The following ADAMTSL2 variants were observed in gnomAD, a reference collection of about 807,000 sequenced individuals.
The protein encoded by ADAMTSL2 is ADAMTS-like protein 2.
Under a neutral mutation model 117.0 loss-of-function variants are expected in ADAMTSL2, and 55 were observed. The ratio of observed to expected loss-of-function variants is 0.47; its 90% CI spans 0.38 to 0.59. The LOEUF (loss-of-function observed/expected upper bound fraction) is 0.59. ADAMTSL2 is among the 20% of genes least tolerant of loss of function. The probability of loss-of-function intolerance (pLI) is 0.00; values close to 1 mark genes in which losing one functional copy is unlikely to be tolerated. For synonymous variants in ADAMTSL2, 572 were observed against 566.4 expected (o/e 1.01, Z -0.14); for missense variants, 1,182 against 1,354.5 (o/e 0.87, Z 2.00).
intron 13 of ADAMTSL2, among the ~76,000 whole-genome samples, chr9:133,567,911 C>T (rs375950310): frequency 4.7e-4 from 71 of 152,360 alleles, no homozygotes; most frequent in African/African-American, 1.6e-3. Context: ...CTGGCCATGC[C>T]CCCTTTCTGG....
chr9:133,548,405 G>T (rs909538062), intron 9 of ADAMTSL2, among the ~76,000 whole-genome samples: 2 of 152,210 alleles, frequency 1.3e-5, no homozygotes, highest in African/African-American at 4.8e-5. Context: ...CTGGAGCTGT[G>T]TCTGGAGGTG....
chr9:133,563,845 G>C (rs1588302018), intron 12 of ADAMTSL2, among the ~76,000 whole-genome samples: 1 of 27,040 alleles, frequency 3.7e-5, no homozygotes, highest in Non-Finnish European at 8.7e-5. Context: ...GAGAGAGAGG[G>C]AGAGAGAGAG....
intron 4 of ADAMTSL2, among the ~76,000 whole-genome samples, chr9:133,539,544 G>A (rs1028513124): frequency 2.3e-5 from 3 of 129,124 alleles, no homozygotes; most frequent in African/African-American, 8.5e-5. Flanking sequence ...GTAGGCGGAG[G>A]GCTGGCGTGG....
At chr9:133,565,996 G>A (rs901837295) in intron 12 of ADAMTSL2, among the ~76,000 whole-genome samples, 3 of 152,212 alleles carry the variant, frequency 2.0e-5, no homozygotes, top group African/African-American at 7.2e-5. Flanking sequence ...TCGGTACCAG[G>A]CAAGGGTGCA....
rs978951448 is a variant in ADAMTSL2 at position 133,568,846 on chromosome 9, T to A, written c.2244+88T>A. On this transcript the variant is annotated intron_variant, in intron 15 of 18. Coordinates refer to ENST00000651351, the MANE Select transcript of ADAMTSL2 (RefSeq NM_014694.4). Reference sequence around the variant, plus strand: ...TGATGTGCCTCAGTTTCCATTTTTTTCCGAGGCAAGGGTGTGAGGTCAAGA... The same window carrying A: ...TGATGTGCCTCAGTTTCCATTTTTTACCGAGGCAAGGGTGTGAGGTCAAGA... 1.2e-4 allele frequency: 191 copies of A among 1,571,278 alleles called. 3 individuals are homozygous for A. The highest frequency in any genetic ancestry group is 2.1e-4 in the Admixed American group (12 of 57,890).
At chr9:133,538,456 C>T (rs746230498) in intron 4 of ADAMTSL2, 32 bp downstream of exon 4, 1 of 1,610,126 alleles carries the variant, frequency 6.2e-7, no homozygotes, top group Non-Finnish European at 8.5e-7. Flanking sequence ...GGCACCATGG[C>T]CTGCTCTCCC....
At chr9:133,563,839 G>A (rs1588301975) in intron 12 of ADAMTSL2, among the ~76,000 whole-genome samples, 39 of 51,556 alleles carry the variant, frequency 7.6e-4, no homozygotes, top group South Asian at 1.8e-3. Flanking sequence ...GAGAGAGAGA[G>A]AGAGGGAGAG....
chr9:133,544,622 G>A, intron 8 of ADAMTSL2, 72 bp downstream of exon 8: 1 of 1,327,406 alleles, frequency 7.5e-7, no homozygotes, highest in Non-Finnish European at 1.1e-6. Flanking sequence ...GCAGAGAAGG[G>A]GCACTTGACC....
At chr9:133,536,417 C>T (rs920309644) in intron 1 of ADAMTSL2, 146 bp from the exon 2 acceptor site, 1 of 1,198,218 alleles carries the variant, frequency 8.3e-7, no homozygotes. Context: ...GGCATGCTTC[C>T]CTGCATGCCC....
chr9:133,565,858 C>CAT (rs1830960127), intron 12 of ADAMTSL2, among the ~76,000 whole-genome samples: 1 of 151,804 alleles, frequency 6.6e-6, no homozygotes, highest in South Asian at 2.1e-4. Flanking sequence ...CACACACACA[C>CAT]ACACACACAC....
rs778448758 is a variant in ADAMTSL2, at chr9:133,537,485, G to A, written c.171G>A (p.Thr57=). 1.3e-5 allele frequency: 17 copies of A among 1,357,892 alleles called. No individual in the cohort carries two copies. The highest frequency in any genetic ancestry group is 2.8e-5 in the East Asian group (1 of 36,176). The allele number at this position is 1,357,892 out of a possible 1,614,324, so 84.1% of individuals were successfully genotyped here. The change falls in exon 3 of 19, where the codon ACG becomes ACA. Residue 57 remains threonine (T), a synonymous_variant. Transcript: ENST00000651351. ...AFWWGEWTKW[T]ACSRSCGGGV... ...GGTGGGGGGAGTGGACCAAGTGGAC[G>A]GCGTGTTCCCGCAGTTGCGGGGGTG... is the stretch of plus-strand genomic sequence containing the variant.
chr9:133,536,491 C>T (rs1425955087), intron 1 of ADAMTSL2, 72 bp from the exon 2 acceptor site: 2 of 1,485,828 alleles, frequency 1.3e-6, no homozygotes, highest in Non-Finnish European at 1.8e-6. Context: ...CTGAAGCAGG[C>T]ATTACTAATC....
At chr9:133,543,716 G>A (rs1337257125) in intron 7 of ADAMTSL2, among the ~76,000 whole-genome samples, 5 of 152,236 alleles carry the variant, frequency 3.3e-5, no homozygotes, top group African/African-American at 7.2e-5. Flanking sequence ...CTCAGGAAAC[G>A]TCCGACCTGG....
At chr9:133,560,996 C>G (rs1830713925) in intron 11 of ADAMTSL2, among the ~76,000 whole-genome samples, 1 of 152,244 alleles carries the variant, frequency 6.6e-6, no homozygotes, top group Non-Finnish European at 1.5e-5. Context: ...TAAAATGTGC[C>G]CCTCTGCGGG....
chr9:133,553,608 C>CA (rs1414944860), intron 9 of ADAMTSL2, among the ~76,000 whole-genome samples: 4 of 152,204 alleles, frequency 2.6e-5, no homozygotes, highest in African/African-American at 9.6e-5. Flanking sequence ...CACTGTCTTC[C>CA]GGGGGTCTCT....
rs953827396 is a variant in ADAMTSL2, at chr9:133,566,949, G to A, written c.1761G>A (p.Ala587=). Reference sequence around the variant, plus strand: ...TCCCCAACCCAGGGGTCATGTCTGCGTACGCCATGTGTGTCCGCTATGATG... The same window carrying A: ...TCCCCAACCCAGGGGTCATGTCTGCATACGCCATGTGTGTCCGCTATGATG... ...SATCTTGVMS[A]YAMCVRYDGV... The change falls in exon 13 of 19, where the codon GCG becomes GCA. Residue 587 remains alanine, a synonymous_variant. Transcript: ENST00000651351. The A allele has an allele frequency of 5.5e-5, 88 of 1,608,382 alleles. No individual in the cohort carries two copies. In the African/African-American group the frequency reaches 9.1e-4, roughly 17 times the overall value.
chr9:133,542,647 A>G (rs1182525438), intron 7 of ADAMTSL2, among the ~76,000 whole-genome samples: 1 of 152,232 alleles, frequency 6.6e-6, no homozygotes, highest in Non-Finnish European at 1.5e-5. Flanking sequence ...TTGCTGAAAT[A>G]TACAGAAACA....
At chr9:133,566,049 G>A (rs1476452787) in intron 12 of ADAMTSL2, among the ~76,000 whole-genome samples, 1 of 152,208 alleles carries the variant, frequency 6.6e-6, no homozygotes, top group Non-Finnish European at 1.5e-5. Flanking sequence ...TGTGGTCAAG[G>A]AAGTGGCACT....
chr9:133,539,931 C>G (rs745322880), intron 5 of ADAMTSL2, 58 bp downstream of exon 5: 6 of 1,487,664 alleles, frequency 4.0e-6, no homozygotes, highest in Non-Finnish European at 5.5e-6. Context: ...TGGGGGTAGC[C>G]CTTCCGGCAC....
Sources: gnomAD v4.1 joint callset for allele counts (sites outside exome capture counted in the v4.1 genomes callset) on GRCh38, gnomAD v4.1.1 for gene constraint, MANE v1.5 for transcripts, NCBI Gene and HGNC (gene_info 2026-07-23, HGNC 2026-07-21) for gene names.